Variants in PRDM15 observed in about 807,000 individuals in gnomAD.
PRDM15 encodes the protein PR/SET domain 15.
Under a neutral mutation model 128.6 loss-of-function variants are expected in PRDM15, and 64 were observed. That is an observed-to-expected ratio of 0.50 (90% CI 0.41 to 0.61). PRDM15 has a LOEUF of 0.61. Among genes scored for constraint, PRDM15 ranks in the 20% least tolerant of loss-of-function variants. PRDM15 has a pLI of 0.00. For synonymous variants in PRDM15, 615 were observed against 621.8 expected (o/e 0.99, Z 0.16); for missense variants, 1,242 against 1,569.1 (o/e 0.79, Z 3.52).
At chr21:41,835,216 T>G (rs932886493) in intron 11 of PRDM15, among the ~76,000 whole-genome samples, 1 of 152,178 alleles carries the variant, frequency 6.6e-6, no homozygotes, top group African/African-American at 2.4e-5. Flanking sequence ...GGCTGACAAA[T>G]GCAGGAAGAA....
In PRDM15 at chr21:41,828,881, G is replaced by GCA. The variant is rs1483537833; in HGVS notation, c.1367-550_1367-549dup. Among the ~76,000 whole-genome samples, 2 of 151,538 alleles carry GCA rather than the reference G, an allele frequency of 1.3e-5. No homozygotes were observed. The highest frequency in any genetic ancestry group is 3.9e-4 in the East Asian group (2 of 5,178). ...CCCCCCTTCACCCAAATCCTCCTCA[G>GCA]CACACACACAATCACACACCACACA... is the stretch of plus-strand genomic sequence containing the variant. On this transcript the variant is annotated intron_variant, in intron 11 of 23. Coordinates refer to ENST00000398548, the MANE Select transcript of PRDM15 (RefSeq NM_001040424.3). This position sits in a 1 kb window ranked among gnomAD's most constrained non-coding sequence, Gnocchi z 5.7.
intron 1 of PRDM15, chr21:41,870,709 G>A (rs770659455): frequency 6.6e-6 from 1 of 152,192 alleles, no homozygotes; most frequent in African/African-American, 2.4e-5. Context: ...TCCAGCAGGT[G>A]CCCGAATTTA....
At chr21:41,835,935 G>A (rs200882767) in intron 10 of PRDM15, among the ~76,000 whole-genome samples, 178 bp downstream of exon 10, 11 of 26,538 alleles carry the variant, frequency 4.1e-4, no homozygotes, top group African/African-American at 1.7e-3. Context: ...CCCCCACAGG[G>A]TTTGGCCGCT....
rs775318403 is a variant in PRDM15 at position 41,815,678 on chromosome 21, C to G, written c.2392+27G>C. ...CTTCCCTACACAGTGAGCGCCGTGG[C>G]TGGCGCGGCCCGGGCCTCGGACTCA... On this transcript the variant is annotated intron_variant, in intron 19 of 23. Coordinates refer to ENST00000398548, the MANE Select transcript of PRDM15 (RefSeq NM_001040424.3). 3.6e-5 allele frequency: 58 copies of G among 1,609,898 alleles called. No individual in the cohort carries two copies. The South Asian group carries it at 5.9e-4, about 16-fold the overall frequency.
rs1323728711 is a variant in PRDM15, at chr21:41,801,405, G to A, written c.3261C>T (p.Ser1087=). ...HFINLTTLVN[S]ITPLGSQLSD... is the part of the protein sequence containing the mutation. ...TAAGCTGGCTCCCCAGGGGCGTGAT[G>A]GAGTTGACCAGGGTCGTCAGGTTGA... The change falls in exon 24 of 24, where the codon TCC becomes TCT. Residue 1087 remains serine (S), a synonymous_variant. Transcript: ENST00000398548. 11 of 1,613,828 alleles carry A rather than the reference G, an allele frequency of 6.8e-6. No individual in the cohort carries two copies. Among genetic ancestry groups the A allele is most frequent in the South Asian group, 5.5e-5 (5 of 91,066 alleles).
chr21:41,802,977 G>A (rs935126269), intron 22 of PRDM15, 56 bp from the exon 23 acceptor site: 15 of 1,425,802 alleles, frequency 1.1e-5, no homozygotes, highest in Admixed American at 3.3e-5. Flanking sequence ...GTCAGGCAGC[G>A]GCCAGGGCAG....
rs1453059891 is a variant in PRDM15 at position 41,800,226 on chromosome 21, C to T, written c.*1014G>A. ...AAACAGAAGGAAAATATGACTTTTC[C>T]CCCGTTTCTTCCACTCGGGATTCTG... On this transcript the variant is annotated 3_prime_UTR_variant, in exon 24 of 24. Coordinates refer to ENST00000398548, the MANE Select transcript of PRDM15 (RefSeq NM_001040424.3). 1 of 152,136 alleles carries T rather than the reference C, an allele frequency of 6.6e-6. No individual in the cohort carries two copies. Among genetic ancestry groups the T allele is most frequent in the African/African-American group, 2.4e-5 (1 of 41,414 alleles). 9.4% of individuals were successfully genotyped at this position (152,136 alleles called of 1,614,324 possible). A position where few individuals can be genotyped will look rare whatever the true frequency, so the allele number is the denominator to read the frequency against.
chr21:41,852,809 C>A (rs1425968583), intron 5 of PRDM15, among the ~76,000 whole-genome samples: 3 of 152,316 alleles, frequency 2.0e-5, no homozygotes, highest in African/African-American at 7.2e-5. Flanking sequence ...AGTGGCTCCC[C>A]AAAATTCACA....
rs767203522 is a variant in PRDM15 at position 41,820,146 on chromosome 21, G to A, written c.2089C>T (p.Arg697Trp). 4.3e-6 allele frequency: 7 copies of A among 1,613,764 alleles called. No individual in the cohort carries two copies. Among genetic ancestry groups the A allele is most frequent in the African/African-American group, 1.3e-5 (1 of 75,008 alleles). Residue 697 changes from arginine (R) to tryptophan (W), a missense_variant, in exon 17 of 24, where the codon CGG becomes TGG. Coordinates refer to ENST00000398548, the MANE Select transcript of PRDM15 (RefSeq NM_001040424.3). Reference protein sequence around the residue: ...KYIHPCEICGRIFNSIGNLER... With the variant: ...KYIHPCEICGWIFNSIGNLER... ...AGGTTCCCGATGCTGTTGAAGATCC[G>A]CCCGCAGATCTCGCAGGGGTGGATG... is the stretch of plus-strand genomic sequence containing the variant.
chr21:41,806,874 A>G (rs1213530596), intron 21 of PRDM15, among the ~76,000 whole-genome samples: 2 of 148,652 alleles, frequency 1.3e-5, no homozygotes, highest in African/African-American at 5.0e-5. Context: ...CACCGCCATC[A>G]CCATCAGCAC....
Position 41,839,867 on chromosome 21 carries a change from C to T in PRDM15, c.641-14G>A, listed in dbSNP as rs2063019213. 3.1e-6 allele frequency: 5 copies of T among 1,608,260 alleles called. No individual in the cohort carries two copies. Among genetic ancestry groups the T allele is most frequent in the African/African-American group, 1.3e-5 (1 of 74,918 alleles). On this transcript the variant is annotated splice_polypyrimidine_tract_variant and intron_variant, in intron 6 of 23. Coordinates refer to ENST00000398548, the MANE Select transcript of PRDM15 (RefSeq NM_001040424.3). ...CCAACAGATGTTCTGCAAAGAGAGA[C>T]GCGAATGCACCACACAATTAGGAAG...
Position 41,851,404 on chromosome 21 carries a change from G to A in PRDM15, c.538+3162C>T, listed in dbSNP as rs748685692. On this transcript the variant is annotated intron_variant, in intron 5 of 23. Transcript: ENST00000398548. Reference sequence around the variant, plus strand: ...ATAGCTTCAGCTGGGTGAGGTGCTCGACACACACTCAGACTCTGGTGGGCC... The same window carrying A: ...ATAGCTTCAGCTGGGTGAGGTGCTCAACACACACTCAGACTCTGGTGGGCC... 3.9e-4 allele frequency among the ~76,000 whole-genome samples: 60 copies of A among 152,202 alleles called. 1 individual carries two copies. The highest frequency in any genetic ancestry group is 4.4e-5 in the Non-Finnish European group (3 of 68,046).
Position 41,854,717 on chromosome 21 carries a change from C to T in PRDM15, c.387G>A (p.Gln129=), listed in dbSNP as rs771457234. 12 of 1,613,244 alleles carry T rather than the reference C, an allele frequency of 7.4e-6. No homozygotes were observed. Among genetic ancestry groups the T allele is most frequent in the African/African-American group, 1.3e-5 (1 of 74,950 alleles). The change falls in exon 5 of 24, where the codon CAG becomes CAA. Residue 129 remains glutamine, a synonymous_variant. Coordinates refer to ENST00000398548, the MANE Select transcript of PRDM15 (RefSeq NM_001040424.3). This position sits in a 1 kb window ranked among gnomAD's most constrained non-coding sequence, Gnocchi z 4.6. ...TGCCGTGCTGGTAGGCCGTCAGGTTCTGGTGCTCGGCCTCCGCCGCTGGCC... is the reference window on the plus strand; with the variant it reads ...TGCCGTGCTGGTAGGCCGTCAGGTTTTGGTGCTCGGCCTCCGCCGCTGGCC... ...LVRPAAEAEH[Q]NLTAYQHGSD...
chr21:41,829,181 TACAC>T (rs1390067093), intron 11 of PRDM15, among the ~76,000 whole-genome samples: 9 of 124,102 alleles, frequency 7.3e-5, no homozygotes, highest in African/African-American at 2.6e-4. Flanking sequence ...ACACACCACA[TACAC>T]ACACCACACA....
At chr21:41,827,635 C>G (rs1315754320) in intron 12 of PRDM15, among the ~76,000 whole-genome samples, 2 of 152,242 alleles carry the variant, frequency 1.3e-5, no homozygotes, top group Admixed American at 1.3e-4. Context: ...AGCCACCATG[C>G]CCAGGAGGGT....
At position 41,879,257 on chromosome 21, in the gene PRDM15, C is replaced by A; in HGVS notation, c.-10+13G>T. 1 of 981,000 alleles carries A rather than the reference C, an allele frequency of 1.0e-6. No individual in the cohort carries two copies. The allele number at this position is 981,000 out of a possible 1,614,324, so 60.8% of individuals were successfully genotyped here. A position where few individuals can be genotyped will look rare whatever the true frequency, so the allele number is the denominator to read the frequency against. On this transcript the variant is annotated intron_variant, in intron 1 of 23. Transcript: ENST00000398548. The surrounding 1 kb of genome is among the most constrained non-coding windows in gnomAD (Gnocchi z 5.1). Reference sequence around the variant, plus strand: ...GCCGGGGCGGGCGGCGGGCGCAGGGCCCGGAGCTTTACCTGCCTTTGGAAT... The same window carrying A: ...GCCGGGGCGGGCGGCGGGCGCAGGGACCGGAGCTTTACCTGCCTTTGGAAT...
chr21:41,836,112 C>T lies in PRDM15; in HGVS notation c.1278+1G>A. ...AGAACCCTGGGCTTGTTTCCACCCACCTCGTTCCTGCTGTGCTTGTAGGAA... is the reference window on the plus strand; with the variant it reads ...AGAACCCTGGGCTTGTTTCCACCCATCTCGTTCCTGCTGTGCTTGTAGGAA... On this transcript the variant is annotated splice_donor_variant, in intron 10 of 23. Coordinates refer to ENST00000398548, the MANE Select transcript of PRDM15 (RefSeq NM_001040424.3). LOFTEE classifies it high-confidence loss of function. 6.2e-7 allele frequency: 1 copy of T among 1,612,562 alleles called. No homozygotes were observed. The highest frequency in any genetic ancestry group is 8.5e-7 in the Non-Finnish European group (1 of 1,178,884).
At chr21:41,844,013 T>C (rs1221761389) in intron 6 of PRDM15, among the ~76,000 whole-genome samples, 1 of 151,296 alleles carries the variant, frequency 6.6e-6, no homozygotes, top group African/African-American at 2.4e-5. Context: ...GTGGTTTGGT[T>C]TGGAAGTTAC....
intron 21 of PRDM15, among the ~76,000 whole-genome samples, chr21:41,808,113 G>A (rs75360387): frequency 0.071 from 10,886 of 152,292 alleles, 535 homozygotes; most frequent in Middle Eastern, 0.14. Flanking sequence ...ATCAATACGC[G>A]GAAGTCTAGA....
Sources: allele counts gnomAD v4.1 joint callset (sites outside exome capture counted in the v4.1 genomes callset), GRCh38; gene constraint gnomAD v4.1.1; non-coding constraint Gnocchi (gnomAD v3.1); transcripts MANE v1.5; gene names NCBI Gene and HGNC (gene_info 2026-07-23, HGNC 2026-07-21).